Variants in MAGI2 observed in about 807,000 individuals in gnomAD.
MAGI2 encodes the protein membrane associated guanylate kinase, WW and PDZ domain containing 2.
A neutral mutation model predicts 133.3 loss-of-function variants in MAGI2; 35 were observed. The ratio of observed to expected loss-of-function variants is 0.26; its 90% CI spans 0.20 to 0.35. MAGI2 has a LOEUF of 0.35. Among genes scored for constraint, MAGI2 ranks in the 10% least tolerant of loss-of-function variants. MAGI2 has a pLI of 1.00. For missense variants in MAGI2, 1,636 were observed against 1,863.4 expected (o/e 0.88, Z 2.25); for synonymous variants, 729 against 710.6 (o/e 1.03, Z -0.41).
chr7:78,112,878 T>C (rs1819494691), intron 20 of MAGI2, among the ~76,000 whole-genome samples: 1 of 152,224 alleles, frequency 6.6e-6, no homozygotes. Context: ...TGTGCCTGTT[T>C]CTGGGACAGC....
At chr7:78,973,906 G>C (rs1804006716) in intron 2 of MAGI2, among the ~76,000 whole-genome samples, 1 of 151,718 alleles carries the variant, frequency 6.6e-6, no homozygotes, top group Non-Finnish European at 1.5e-5. Flanking sequence ...TATCTAAGTT[G>C]CGCATCTGGA....
chr7:78,458,332 C>G (rs1182054761), intron 6 of MAGI2, among the ~76,000 whole-genome samples: 1 of 146,594 alleles, frequency 6.8e-6, no homozygotes, highest in African/African-American at 2.5e-5. Context: ...AAAATTGAAT[C>G]AAGTATCTTA....
intron 2 of MAGI2, among the ~76,000 whole-genome samples, chr7:78,679,210 T>C (rs1027233025): frequency 6.6e-6 from 1 of 152,144 alleles, no homozygotes; most frequent in African/African-American, 2.4e-5. Context: ...TTCCCTTCTC[T>C]GAGAGAGTGA....
At chr7:79,421,706 T>C (rs1441765136) in intron 1 of MAGI2, among the ~76,000 whole-genome samples, 1 of 151,884 alleles carries the variant, frequency 6.6e-6, no homozygotes, top group Non-Finnish European at 1.5e-5. Flanking sequence ...TAAAAGAAAG[T>C]TACAGCCATT....
At chr7:79,029,994 A>G (rs1190404051) in intron 1 of MAGI2, among the ~76,000 whole-genome samples, 2 of 152,174 alleles carry the variant, frequency 1.3e-5, no homozygotes, top group East Asian at 1.9e-4. Flanking sequence ...TTTATTTTGC[A>G]TGTGGCACAT....
chr7:78,423,775 T>G (rs1412419623), intron 6 of MAGI2, among the ~76,000 whole-genome samples: 5 of 152,134 alleles, frequency 3.3e-5, no homozygotes, highest in Non-Finnish European at 5.9e-5. Flanking sequence ...GGCCCTGCCC[T>G]AGAGATTTGT....
chr7:78,020,912 C>T (rs1291392645), intron 21 of MAGI2, among the ~76,000 whole-genome samples: 3 of 151,996 alleles, frequency 2.0e-5, no homozygotes, highest in Non-Finnish European at 4.4e-5. Flanking sequence ...ATGGAGGGCC[C>T]CAGGACTAAG....
At chr7:79,105,732 A>G (rs955823582) in intron 1 of MAGI2, among the ~76,000 whole-genome samples, 2 of 152,128 alleles carry the variant, frequency 1.3e-5, no homozygotes, top group African/African-American at 2.4e-5. Flanking sequence ...CATTTTTTTT[A>G]GACTATCTAG....
chr7:78,579,120 A>C (rs1432920458), intron 3 of MAGI2, among the ~76,000 whole-genome samples: 1 of 152,164 alleles, frequency 6.6e-6, no homozygotes, highest in Non-Finnish European at 1.5e-5. Context: ...GCTCCATGCT[A>C]CTTAAAGGAA....
intron 1 of MAGI2, among the ~76,000 whole-genome samples, chr7:79,136,084 A>AGAAAGAAAGAAG: frequency 7.1e-6 from 1 of 141,074 alleles, no homozygotes; most frequent in African/African-American, 2.8e-5. Flanking sequence ...AAAGAAAGAA[A>AGAAAGAAAGAAG]GAAAGAAAGA....
chr7:78,748,106 A>T (rs1823098303), intron 2 of MAGI2, among the ~76,000 whole-genome samples: 1 of 151,934 alleles, frequency 6.6e-6, no homozygotes. Flanking sequence ...CCACTTTTCC[A>T]CTGAGTAAGC....
intron 3 of MAGI2, among the ~76,000 whole-genome samples, chr7:78,585,585 G>C (rs530656153): frequency 2.6e-5 from 4 of 152,312 alleles, no homozygotes; most frequent in Admixed American, 2.6e-4. Context: ...TGAGAGAGCA[G>C]CACCTGTGAA....
At chr7:79,251,032 C>T (rs1314966272) in intron 1 of MAGI2, among the ~76,000 whole-genome samples, 3 of 152,108 alleles carry the variant, frequency 2.0e-5, no homozygotes, top group Non-Finnish European at 4.4e-5. Context: ...GCTGGATATC[C>T]ATATGCAGAA....
intron 10 of MAGI2, chr7:78,254,408 A>G (rs1792750284): frequency 6.6e-6 from 1 of 152,232 alleles, no homozygotes; most frequent in Admixed American, 6.5e-5. Flanking sequence ...CTATGAAGAT[A>G]TGGCTATTTA....
intron 20 of MAGI2, among the ~76,000 whole-genome samples, chr7:78,113,537 T>C (rs1819566057): frequency 6.6e-6 from 1 of 152,188 alleles, no homozygotes; most frequent in Non-Finnish European, 1.5e-5. Flanking sequence ...TTTAGATATG[T>C]TAAGATATAC....
intron 1 of MAGI2, among the ~76,000 whole-genome samples, chr7:79,086,296 T>C (rs558063278): frequency 3.3e-4 from 50 of 151,990 alleles, no homozygotes; most frequent in Non-Finnish European, 5.7e-4. Flanking sequence ...GACAGTTCTC[T>C]GAGGACAAGG....
At chr7:78,122,613 A>T (rs141021848) in intron 20 of MAGI2, among the ~76,000 whole-genome samples, 1 of 152,340 alleles carries the variant, frequency 6.6e-6, no homozygotes, top group Non-Finnish European at 1.5e-5. Context: ...GTTCTTTTTC[A>T]TCATAAAAAT....
rs1408365309 is a variant in MAGI2, at chr7:78,256,453, G to A, written c.1537C>T (p.Pro513Ser). The A allele has an allele frequency of 1.2e-6, 2 of 1,613,864 alleles. No individual in the cohort carries two copies. Among genetic ancestry groups the A allele is most frequent in the South Asian group, 1.1e-5 (1 of 91,072 alleles). Residue 513 changes from proline (P) to serine (S), a missense_variant, in exon 10 of 22, where the codon CCC becomes TCC. Physicochemically the swap from Pro to Ser is moderately conservative, Grantham distance 74. This residue lies in a region of MAGI2 where 920 missense variants were observed against 1,093.5 expected (regional missense o/e 0.84). Coordinates refer to ENST00000354212, the MANE Select transcript of MAGI2 (RefSeq NM_012301.4). The part of the protein sequence containing the change: ...NLVLCRGYPL[P>S]FDPEDPANSM... ...TTAGCAGGGTCTTCAGGATCAAAGG[G>A]CAAAGGGTAGCCACGACACAACACC...
At chr7:78,908,131 G>T (rs1584355579) in intron 2 of MAGI2, among the ~76,000 whole-genome samples, 1 of 152,118 alleles carries the variant, frequency 6.6e-6, no homozygotes, top group South Asian at 2.1e-4. Context: ...GTATATTGTA[G>T]AGTGACAGAA....
Sources: allele counts gnomAD v4.1 joint callset (sites outside exome capture counted in the v4.1 genomes callset), GRCh38; gene constraint gnomAD v4.1.1; regional missense constraint gnomAD v4.1.1; transcripts MANE v1.5; gene names NCBI Gene and HGNC (gene_info 2026-07-23, HGNC 2026-07-21).